EPC1: variants seen among roughly 807,000 people sequenced by gnomAD.
EPC1 encodes the protein enhancer of polycomb homolog 1.
A neutral mutation model predicts 98.4 loss-of-function variants in EPC1; 12 were observed. The observed-to-expected ratio is 0.12, with a 90% CI of 0.08 to 0.20. The LOEUF (loss-of-function observed/expected upper bound fraction) is 0.20. EPC1 is among the 10% of genes least tolerant of loss of function. EPC1 has a pLI of 1.00. For synonymous variants in EPC1, 357 were observed against 363.9 expected (o/e 0.98, Z 0.21); for missense variants, 729 against 990.5 (o/e 0.74, Z 3.54).
intron 1 of EPC1, among the ~76,000 whole-genome samples, chr10:32,337,998 G>A (rs1249003357): frequency 6.6e-6 from 1 of 152,212 alleles, no homozygotes; most frequent in Admixed American, 6.5e-5. Context: ...CCAGAGCACA[G>A]CATTCCATGC....
At position 32,294,700 on chromosome 10, in the gene EPC1, T is replaced by C. The variant is rs534886106; in HGVS notation, c.314-963A>G. On this transcript the variant is annotated intron_variant, in intron 2 of 13. Coordinates refer to ENST00000319778, the MANE Select transcript of EPC1 (RefSeq NM_001272004.3). ...ATGTTGTTTAATTACTTACCAAAAT[T>C]AAGCTAGGTTGATATGAATATAAGC... 3.3e-5 allele frequency among the ~76,000 whole-genome samples: 5 copies of C among 152,356 alleles called. No homozygotes were observed. The East Asian group carries it at 7.7e-4, about 23-fold the overall frequency.
At chr10:32,322,147 T>G (rs1388126850) in intron 1 of EPC1, among the ~76,000 whole-genome samples, 1 of 150,610 alleles carries the variant, frequency 6.6e-6, no homozygotes, top group Non-Finnish European at 1.5e-5. Flanking sequence ...TGCTTCCCTA[T>G]GCCATTCTTA....
chr10:32,291,196 T>C lies in EPC1; in HGVS notation c.942A>G (p.Glu314=), dbSNP rs765566879. Residue 314 remains glutamate (E), a synonymous_variant, in exon 6 of 14, where the codon GAA becomes GAG. Transcript: ENST00000319778. ...CTTTGAACTCCTTCACATCCATTGC[T>C]TCCTGGTGTTTAAATTGACTGCTAT... ...ITNSSQFKHQ[E]AMDVKEFKVN... is the part of the protein sequence containing the mutation. 1.9e-6 allele frequency: 3 copies of C among 1,613,946 alleles called. No homozygotes were observed. In the South Asian group the frequency reaches 3.3e-5, roughly 18 times the overall value.
chr10:32,349,005 C>T (rs529558585), upstream of EPC1, among the ~76,000 whole-genome samples: 18 of 152,290 alleles, frequency 1.2e-4, no homozygotes, highest in African/African-American at 4.1e-4. Flanking sequence ...ACAACGGTAG[C>T]GACGTATCCA....
chr10:32,333,788 A>C (rs1837786633), intron 1 of EPC1, among the ~76,000 whole-genome samples: 1 of 152,160 alleles, frequency 6.6e-6, no homozygotes, highest in African/African-American at 2.4e-5. Context: ...GTTGTCTCTC[A>C]GTAAAAGCTC....
intron 1 of EPC1, among the ~76,000 whole-genome samples, chr10:32,333,327 G>A (rs1024723133): frequency 2.0e-5 from 3 of 152,158 alleles, no homozygotes; most frequent in Non-Finnish European, 2.9e-5. Context: ...GTGAGACTTC[G>A]TCTCAAAAAC....
chr10:32,372,350 T>C (rs551583933), intron 1 of EPC1, among the ~76,000 whole-genome samples: 101 of 152,326 alleles, frequency 6.6e-4, no homozygotes, highest in Non-Finnish European at 1.3e-3. Context: ...CTTCCATATA[T>C]GCCAAAGTTA....
In EPC1 at chr10:32,292,602, G is replaced by A. The variant is rs1320571900; in HGVS notation, c.709C>T (p.Leu237=). 1.6e-5 allele frequency: 26 copies of A among 1,603,524 alleles called. No individual in the cohort carries two copies. The highest frequency in any genetic ancestry group is 2.2e-5 in the Non-Finnish European group (26 of 1,177,386). Residue 237 remains leucine (L), a synonymous_variant, in exon 5 of 14, where the codon CTG becomes TTG. Coordinates refer to ENST00000319778, the MANE Select transcript of EPC1 (RefSeq NM_001272004.3). ...ACAGCTCGACTTAGATCTCGTCGCA[G>A]CTTAAGCATTTTTTCGTAAGAGGCT... ...DEASYEKMLK[L]RRDLSRAVTI...
At chr10:32,364,016 T>C (rs1273106546) in intron 1 of EPC1, among the ~76,000 whole-genome samples, 5 of 131,430 alleles carry the variant, frequency 3.8e-5, no homozygotes, top group Admixed American at 7.8e-5. Context: ...TTTTTTTTTT[T>C]TTTTTTTTTT....
At chr10:32,378,164 A>AT (rs1165548512) in intron 1 of EPC1, among the ~76,000 whole-genome samples, 3 of 152,202 alleles carry the variant, frequency 2.0e-5, no homozygotes, top group African/African-American at 7.2e-5. Flanking sequence ...GTAAGACATA[A>AT]TTTTTATAAA....
intron 2 of EPC1, among the ~76,000 whole-genome samples, chr10:32,301,038 ATATCTATC>A (rs145962262): frequency 0.078 from 11,148 of 142,880 alleles, 440 homozygotes; most frequent in African/African-American, 0.11. Flanking sequence ...AAGCACATTT[ATATCTATC>A]TATCTATCTA....
chr10:32,344,068 T>G (rs1838575843), intron 1 of EPC1, among the ~76,000 whole-genome samples: 1 of 152,226 alleles, frequency 6.6e-6, no homozygotes, highest in African/African-American at 2.4e-5. Flanking sequence ...ATGTGTCAGT[T>G]AAAGGCAGAA....
chr10:32,350,076 C>G (rs1157204479), upstream of EPC1, among the ~76,000 whole-genome samples: 1 of 152,150 alleles, frequency 6.6e-6, no homozygotes, highest in Non-Finnish European at 1.5e-5. Flanking sequence ...ACTTAAAATT[C>G]CTTCTTTTTC....
intron 1 of EPC1, among the ~76,000 whole-genome samples, chr10:32,320,847 A>G (rs769470464): frequency 6.6e-6 from 1 of 152,116 alleles, no homozygotes; most frequent in Non-Finnish European, 1.5e-5. Context: ...TCAGCCTCCC[A>G]AAGTACTGGG....
At chr10:32,292,915 A>G in intron 4 of EPC1, 73 bp downstream of exon 4, 1 of 974,476 alleles carries the variant, frequency 1.0e-6, no homozygotes, top group African/African-American at 1.7e-5. Flanking sequence ...ATTAAACCAC[A>G]GTATTGAGAC....
intron 1 of EPC1, among the ~76,000 whole-genome samples, chr10:32,312,492 T>C (rs993590485): frequency 6.6e-6 from 1 of 152,192 alleles, no homozygotes; most frequent in African/African-American, 2.4e-5. Context: ...CATCCCTATA[T>C]TCCTTTATCC....
intron 1 of EPC1, among the ~76,000 whole-genome samples, chr10:32,333,749 G>A (rs1001805372): frequency 1.6e-5 from 2 of 124,462 alleles, no homozygotes; most frequent in African/African-American, 5.6e-5. Flanking sequence ...GTGTATCTCA[G>A]TCAGACAATA....
chr10:32,286,573 A>G, intron 9 of EPC1, 121 bp downstream of exon 9: 1 of 1,142,638 alleles, frequency 8.8e-7, no homozygotes, highest in South Asian at 1.6e-5. Flanking sequence ...TCAACAGATC[A>G]GTTAAGAATA....
At chr10:32,336,791 C>G (rs560039289) in intron 1 of EPC1, among the ~76,000 whole-genome samples, 1 of 152,122 alleles carries the variant, frequency 6.6e-6, no homozygotes, top group Admixed American at 6.5e-5. Context: ...ACCAATATCT[C>G]CATTAAATGG....
Sources: allele counts gnomAD v4.1 joint callset (sites outside exome capture counted in the v4.1 genomes callset), GRCh38; gene constraint gnomAD v4.1.1; transcripts MANE v1.5; gene names NCBI Gene and HGNC (gene_info 2026-07-23, HGNC 2026-07-21).